The following AGAP1 variants were observed in gnomAD, a reference collection of about 807,000 sequenced individuals.
AGAP1 encodes ArfGAP with GTPase domain, ankyrin repeat and PH domain 1.
In AGAP1, 29 loss-of-function variants were observed where a neutral mutation model predicts 105.3. That is an observed-to-expected ratio of 0.28 (90% CI 0.21 to 0.38). The LOEUF (loss-of-function observed/expected upper bound fraction) is 0.38, where lower values mean the gene tolerates loss of function less well. Among genes scored for constraint, AGAP1 ranks in the 10% least tolerant of loss-of-function variants. AGAP1 has a pLI of 1.00. For missense variants in AGAP1, 998 were observed against 1,165.1 expected, an observed-to-expected ratio of 0.86 and a Z score of 2.09; for synonymous variants, 509 against 485.9, an observed-to-expected ratio of 1.05 and a Z score of -0.63.
At chr2:235,605,913 G>A (rs1945918906) in intron 1 of AGAP1, among the ~76,000 whole-genome samples, 1 of 152,198 alleles carries the variant, frequency 6.6e-6, no homozygotes, top group African/African-American at 2.4e-5. Context: ...CAGCACTCCG[G>A]TTGCTTAAGT....
intron 3 of AGAP1, chr2:235,718,282 A>G (rs1399059977): frequency 6.5e-6 from 5 of 772,856 alleles, no homozygotes; most frequent in Non-Finnish European, 7.9e-6. Flanking sequence ...GCAGTTTTCT[A>G]AATGAAATTT....
At chr2:235,538,668 A>G (rs558234146) in intron 1 of AGAP1, among the ~76,000 whole-genome samples, 13 of 152,060 alleles carry the variant, frequency 8.5e-5, no homozygotes, top group Middle Eastern at 3.4e-3. Context: ...TTCAGGCTGA[A>G]CCATCCTCAC....
intron 1 of AGAP1, among the ~76,000 whole-genome samples, chr2:235,684,391 T>C (rs1314168152): frequency 6.6e-6 from 1 of 152,106 alleles, no homozygotes; most frequent in Non-Finnish European, 1.5e-5. Context: ...CGTGGCCTGG[T>C]GAAGGAGCAA....
intron 1 of AGAP1, among the ~76,000 whole-genome samples, chr2:235,684,104 C>T (rs752621649): frequency 6.6e-6 from 1 of 152,250 alleles, no homozygotes; most frequent in Middle Eastern, 3.4e-3. Context: ...TGCAGTCGCA[C>T]GATCTCGGCT....
At position 235,730,541 on chromosome 2, in the gene AGAP1, G is replaced by A. The variant is rs560442401; in HGVS notation, c.311-10422G>A. Among the ~76,000 whole-genome samples the A allele has an allele frequency of 4.0e-4, 60 of 151,490 alleles. 1 individual carries two copies. The highest frequency in any genetic ancestry group is 1.4e-3 in the African/African-American group (58 of 41,176). On this transcript the variant is annotated intron_variant, in intron 3 of 17. Transcript: ENST00000304032. Reference sequence around the variant, plus strand: ...CTGTCACCTGGGCTGGAGTGCAGTGGTGCCATCATAGCCCACTATACCTTG... The same window carrying A: ...CTGTCACCTGGGCTGGAGTGCAGTGATGCCATCATAGCCCACTATACCTTG...
Position 235,963,718 on chromosome 2 carries a change from T to G in AGAP1, c.1484-4744T>G, listed in dbSNP as rs1352286858. Among the ~76,000 whole-genome samples, 3 of 152,170 alleles carry G rather than the reference T, an allele frequency of 2.0e-5. No homozygotes were observed. In the South Asian group the frequency reaches 6.2e-4, roughly 32 times the overall value. On this transcript the variant is annotated intron_variant, in intron 12 of 17. Transcript: ENST00000304032. This position sits in a 1 kb window ranked among gnomAD's most constrained non-coding sequence, Gnocchi z 5.1. ...TCTTGACTCCACCCTGTTCACCATC[T>G]TTTTCATTGATGTGGATGGATATAT...
chr2:235,618,881 G>A (rs972967018), intron 1 of AGAP1, among the ~76,000 whole-genome samples: 1 of 152,138 alleles, frequency 6.6e-6, no homozygotes, highest in Non-Finnish European at 1.5e-5. Flanking sequence ...AGGACCTTGC[G>A]TTGGGAGATT....
Position 236,078,318 on chromosome 2 carries a change from G to A in AGAP1, c.2114+29037G>A, listed in dbSNP as rs2058697566. Among the ~76,000 whole-genome samples, 1 of 152,088 alleles carries A rather than the reference G, an allele frequency of 6.6e-6. No homozygotes were observed. The highest frequency in any genetic ancestry group is 1.5e-5 in the Non-Finnish European group (1 of 68,030). ...TTTGCTCTTTGGGCTCTCACCTGAT[G>A]GGATGAGGCCCACCTGCTTTCTCAA... On this transcript the variant is annotated intron_variant, in intron 16 of 17. Transcript: ENST00000304032. The surrounding 1 kb of genome is among the most constrained non-coding windows in gnomAD (Gnocchi z 5.3).
intron 16 of AGAP1, among the ~76,000 whole-genome samples, chr2:236,108,550 A>C (rs1576324657): frequency 6.6e-6 from 1 of 152,146 alleles, no homozygotes; most frequent in East Asian, 1.9e-4. Flanking sequence ...CTGTTTCCAA[A>C]GGAAAGACTG....
intron 9 of AGAP1, among the ~76,000 whole-genome samples, chr2:235,838,028 CA>C (rs769806741): frequency 6.6e-6 from 1 of 152,192 alleles, no homozygotes; most frequent in South Asian, 2.1e-4. Flanking sequence ...ACTAAAAACA[CA>C]AAAAAACTTA....
intron 1 of AGAP1, among the ~76,000 whole-genome samples, chr2:235,675,935 G>A (rs965996430): frequency 2.0e-5 from 3 of 152,210 alleles, no homozygotes; most frequent in Admixed American, 6.5e-5. Context: ...AGGTCCTCCA[G>A]TGTTGACAGG....
intron 6 of AGAP1, among the ~76,000 whole-genome samples, chr2:235,760,021 T>C (rs963098534): frequency 6.6e-6 from 1 of 152,226 alleles, no homozygotes; most frequent in Non-Finnish European, 1.5e-5. Context: ...CATGTTTTAC[T>C]GATGAGAGAA....
intron 13 of AGAP1, among the ~76,000 whole-genome samples, chr2:236,021,455 A>T (rs1453350157): frequency 6.6e-6 from 1 of 152,176 alleles, no homozygotes; most frequent in Non-Finnish European, 1.5e-5. Context: ...GGCCTGCCCA[A>T]CATGGCCGTG....
intron 13 of AGAP1, among the ~76,000 whole-genome samples, chr2:236,016,851 CAGTTAT>C (rs1358700267): frequency 6.6e-6 from 1 of 152,076 alleles, no homozygotes; most frequent in Non-Finnish European, 1.5e-5. Context: ...TCATTTTTCT[CAGTTAT>C]AGTAAGTTTC....
intron 1 of AGAP1, among the ~76,000 whole-genome samples, chr2:235,634,903 G>A (rs1946943178): frequency 6.6e-6 from 1 of 152,152 alleles, no homozygotes; most frequent in Admixed American, 6.5e-5. Flanking sequence ...GGATGTGTTT[G>A]TTCCATGTAC....
rs1016684247 is a variant in AGAP1 at position 235,936,203 on chromosome 2, C to G, written c.1483+5280C>G. Among the ~76,000 whole-genome samples the G allele has an allele frequency of 1.3e-5, 2 of 152,186 alleles. No homozygotes were observed. Among genetic ancestry groups the G allele is most frequent in the African/African-American group, 4.8e-5 (2 of 41,446 alleles). ...TGACTCTTCCATGTGGCTCTTGAGC[C>G]TCACTTCCCTCGGCCTCCCCCAGGC... On this transcript the variant is annotated intron_variant, in intron 12 of 17. Coordinates refer to ENST00000304032, the MANE Select transcript of AGAP1 (RefSeq NM_001037131.3). This position sits in a 1 kb window ranked among gnomAD's most constrained non-coding sequence, Gnocchi z 4.7.
intron 16 of AGAP1, among the ~76,000 whole-genome samples, chr2:236,086,448 A>G (rs2058930170): frequency 6.6e-6 from 1 of 152,234 alleles, no homozygotes; most frequent in Admixed American, 6.5e-5. Context: ...ATATTATTTT[A>G]TGTAATTTTA....
intron 11 of AGAP1, among the ~76,000 whole-genome samples, chr2:235,910,211 T>C (rs2051512645): frequency 1.9e-4 from 1 of 5,218 alleles, no homozygotes; most frequent in Admixed American, 2.4e-3. Flanking sequence ...TGGGCTCCGC[T>C]GCATAGTGTT....
chr2:235,896,568 C>T (rs2050816429), intron 10 of AGAP1, among the ~76,000 whole-genome samples: 1 of 152,206 alleles, frequency 6.6e-6, no homozygotes, highest in Non-Finnish European at 1.5e-5. Context: ...GGCTTCATAA[C>T]ATGCATGGTG....
Sources: allele counts gnomAD v4.1 joint callset (sites outside exome capture counted in the v4.1 genomes callset), GRCh38; gene constraint gnomAD v4.1.1; non-coding constraint Gnocchi (gnomAD v3.1); transcripts MANE v1.5; gene names NCBI Gene and HGNC (gene_info 2026-07-23, HGNC 2026-07-21).